CDKN2AIP: variants seen among roughly 807,000 people sequenced by gnomAD.
CDKN2AIP encodes the protein CDKN2A-interacting protein.
CDKN2AIP carries 12 observed loss-of-function variants against 44.1 expected under a neutral mutation model. That is an observed-to-expected ratio of 0.27 (90% CI 0.17 to 0.44). The LOEUF is 0.44. Ranked by LOEUF, CDKN2AIP falls within the 20% of genes least tolerant of loss-of-function variation. CDKN2AIP has a pLI of 1.00. For synonymous variants in CDKN2AIP, 291 were observed against 272.1 expected, an observed-to-expected ratio of 1.07 and a Z score of -0.68; for missense variants, 705 against 681.6, an observed-to-expected ratio of 1.03 and a Z score of -0.38.
rs1733625698 is a variant in CDKN2AIP at position 183,444,821 on chromosome 4, C to T, written c.24C>T (p.Tyr8=). MAQEVSE[Y]LSQNPRVAAW... ...ACATGGCGCAGGAGGTGTCGGAGTA[C>T]CTGAGCCAGAACCCGCGGGTGGCAG... Residue 8 remains tyrosine, a synonymous_variant, in exon 1 of 3, where the codon TAC becomes TAT. Coordinates refer to ENST00000504169, the MANE Select transcript of CDKN2AIP (RefSeq NM_017632.4). 2 of 1,553,298 alleles carry T rather than the reference C, an allele frequency of 1.3e-6. No homozygotes were observed. Among genetic ancestry groups the T allele is most frequent in the South Asian group, 2.4e-5 (2 of 84,810 alleles).
chr4:183,447,257 G>A lies in CDKN2AIP; in HGVS notation c.1573G>A (p.Ala525Thr). 6.2e-7 allele frequency: 1 copy of A among 1,611,502 alleles called. No homozygotes were observed. The highest frequency in any genetic ancestry group is 8.5e-7 in the Non-Finnish European group (1 of 1,179,348). ...GCGKSKENAKAVASREALKLF... is the reference protein window; with the variant it reads ...GCGKSKENAKTVASREALKLF... ...TGGAAAAAGCAAAGAAAATGCAAAA[G>A]CAGTTGCATCAAGAGAAGCATTGAA... The change falls in exon 3 of 3, where the codon GCA becomes ACA. Residue 525 changes from alanine (A) to threonine (T), a missense_variant. Coordinates refer to ENST00000504169, the MANE Select transcript of CDKN2AIP (RefSeq NM_017632.4).
Position 183,446,469 on chromosome 4 carries a change from C to G in CDKN2AIP, c.785C>G (p.Ser262Cys), listed in dbSNP as rs781055322. The G allele has an allele frequency of 3.1e-6, 5 of 1,613,686 alleles. No homozygotes were observed. Among genetic ancestry groups the G allele is most frequent in the Admixed American group, 1.7e-5 (1 of 60,024 alleles). ...AGTCACATGACCCAATCCACTGATT[C>G]TAGACAACAAAGTGGATCACCTAAA... ...VNSHMTQSTD[S>C]RQQSGSPKKS... is the part of the protein sequence containing the mutation. Residue 262 changes from serine (S) to cysteine (C), a missense_variant, in exon 3 of 3, where the codon TCT becomes TGT. This residue lies in a region of CDKN2AIP where 592 missense variants were observed against 518.0 expected (regional missense o/e 1.14). Transcript: ENST00000504169.
In CDKN2AIP at chr4:183,446,850, C is replaced by A. The variant is rs769981592; in HGVS notation, c.1166C>A (p.Ser389Tyr). ...TSGSLVSKST[S>Y]LASVSQLASK... ...GGATCTCTGGTTTCCAAAAGCACTT[C>A]CTTAGCAAGTGTGTCCCAGTTGGCT... Residue 389 changes from serine (S) to tyrosine (Y), a missense_variant, in exon 3 of 3, where the codon TCC becomes TAC. Ser to Tyr is a moderately radical substitution (Grantham distance 144, BLOSUM62 -2). Coordinates refer to ENST00000504169, the MANE Select transcript of CDKN2AIP (RefSeq NM_017632.4). The A allele has an allele frequency of 5.0e-6, 8 of 1,614,174 alleles. No homozygotes were observed. In the East Asian group the frequency reaches 1.8e-4, roughly 36 times the overall value.
chr4:183,447,337 C>A lies in CDKN2AIP; in HGVS notation c.1653C>A (p.Gly551=). The A allele has an allele frequency of 6.2e-7, 1 of 1,607,826 alleles. No homozygotes were observed. The highest frequency in any genetic ancestry group is 8.5e-7 in the Non-Finnish European group (1 of 1,176,844). The change falls in exon 3 of 3, where the codon GGC becomes GGA. Residue 551 remains glycine, a synonymous_variant. Transcript: ENST00000504169. ...VVKICKRKYR[G]SEIEDLVLLD... ...AAATATGTAAAAGGAAATACAGAGG[C>A]AGTGAAATAGAAGATCTAGTACTCC...
At chr4:183,445,752 C>T (rs1331957485) in intron 2 of CDKN2AIP, 87 bp downstream of exon 2, 4 of 1,119,060 alleles carry the variant, frequency 3.6e-6, no homozygotes, top group Non-Finnish European at 5.3e-6. Flanking sequence ...ATTTTTTTAA[C>T]AAGCCAGAAT....
chr4:183,445,563 C>T lies in CDKN2AIP; in HGVS notation c.301C>T (p.Leu101Phe), dbSNP rs1434866477. 5 of 1,610,510 alleles carry T rather than the reference C, an allele frequency of 3.1e-6. No homozygotes were observed. Among genetic ancestry groups the T allele is most frequent in the Admixed American group, 1.7e-5 (1 of 59,912 alleles). Residue 101 changes from leucine to phenylalanine, a missense_variant, in exon 2 of 3, where the codon CTT becomes TTT. Coordinates refer to ENST00000504169, the MANE Select transcript of CDKN2AIP (RefSeq NM_017632.4). ...RYPQKVMDKILSMAEGIKVTD... is the reference protein window; with the variant it reads ...RYPQKVMDKIFSMAEGIKVTD... ...CCCTCAAAAAGTTATGGATAAAATA[C>T]TTAGTATGGCTGAAGGCATCAAAGT...
rs1186302860 is a variant in CDKN2AIP, at chr4:183,446,747, AC to A, written c.1064del (p.Thr355AsnfsTer4). On this transcript the variant is annotated frameshift_variant, in exon 3 of 3. Transcript: ENST00000504169. LOFTEE classifies it high-confidence loss of function. ...TCCCAAGAGCAGCTCTTCAACAAATACATCGCTGCTAACTTCCAAGAGCACT... is the reference window on the plus strand; with the variant it reads ...TCCCAAGAGCAGCTCTTCAACAAATAATCGCTGCTAACTTCCAAGAGCACT... ...LTPKSSSSTN[T>X]SLLTSKSTSQ... 1 of 1,613,842 alleles carries A rather than the reference AC, an allele frequency of 6.2e-7. No individual in the cohort carries two copies. The highest frequency in any genetic ancestry group is 1.3e-5 in the African/African-American group (1 of 74,920).
Position 183,448,711 on chromosome 4 carries a change from A to T in CDKN2AIP, c.*1284A>T, listed in dbSNP as rs1408311092. 2.0e-5 allele frequency among the ~76,000 whole-genome samples: 3 copies of T among 152,172 alleles called. No individual in the cohort carries two copies. Among genetic ancestry groups the T allele is most frequent in the African/African-American group, 7.2e-5 (3 of 41,440 alleles). On this transcript the variant is annotated 3_prime_UTR_variant, in exon 3 of 3. Coordinates refer to ENST00000504169, the MANE Select transcript of CDKN2AIP (RefSeq NM_017632.4). ...GTGTTGGAATAGGAAAATCAAACGT[A>T]AGCACAATTTAAGTATGTAGCAGTT...
intron 2 of CDKN2AIP, 55 bp downstream of exon 2, chr4:183,445,720 T>C (rs760411117): frequency 1.4e-6 from 2 of 1,427,166 alleles, no homozygotes; most frequent in Admixed American, 3.9e-5. Context: ...AAGTTTGATA[T>C]AATTAGGAAT....
At position 183,446,232 on chromosome 4, in the gene CDKN2AIP, T is replaced by A. The variant is rs1337913558; in HGVS notation, c.548T>A (p.Ile183Asn). The A allele has an allele frequency of 6.2e-7, 1 of 1,614,156 alleles. No homozygotes were observed. Among genetic ancestry groups the A allele is most frequent in the African/African-American group, 1.3e-5 (1 of 75,044 alleles). Residue 183 changes from isoleucine to asparagine, a missense_variant, in exon 3 of 3, where the codon ATC (isoleucine) becomes AAC (asparagine). Physicochemically the swap from Ile to Asn is moderately radical, Grantham distance 149. Transcript: ENST00000504169. ...ENSSTCIGSAIKSESGNSARS... is the reference protein window; with the variant it reads ...ENSSTCIGSANKSESGNSARS... The stretch of plus-strand genomic sequence containing the variant: ...AGTTCAACGTGTATAGGGTCGGCCA[T>A]CAAATCAGAGAGTGGGAACTCAGCT...
At position 183,447,351 on chromosome 4, in the gene CDKN2AIP, A is replaced by T; in HGVS notation, c.1667A>T (p.Asp556Val). ...KRKYRGSEIE[D>V]LVLLDEESRP... ...AAATACAGAGGCAGTGAAATAGAAG[A>T]TCTAGTACTCCTTGATGAAGAATCG... Residue 556 changes from aspartate to valine, a missense_variant, in exon 3 of 3, where the codon GAT becomes GTT. This residue lies in a region of CDKN2AIP where 113 missense variants were observed against 163.6 expected (regional missense o/e 0.69). Transcript: ENST00000504169. 6.3e-7 allele frequency: 1 copy of T among 1,595,682 alleles called. No homozygotes were observed.
Position 183,444,802 on chromosome 4 carries a change from C to T in CDKN2AIP, c.5C>T (p.Ala2Val). The stretch of plus-strand genomic sequence containing the variant: ...TTCGCGGCCTGCAGGCCCAACATGG[C>T]GCAGGAGGTGTCGGAGTACCTGAGC... M[A>V]QEVSEYLSQN... The change falls in exon 1 of 3, where the codon GCG becomes GTG. Residue 2 changes from alanine (A) to valine (V), a missense_variant. Transcript: ENST00000504169. 1 of 1,538,080 alleles carries T rather than the reference C, an allele frequency of 6.5e-7. No homozygotes were observed. Among genetic ancestry groups the T allele is most frequent in the South Asian group, 1.2e-5 (1 of 83,180 alleles).
rs1190454052 is a variant in CDKN2AIP at position 183,445,018 on chromosome 4, A to G, written c.221A>G (p.Gln74Arg). Residue 74 changes from glutamine (Q) to arginine (R), a missense_variant, in exon 1 of 3, where the codon CAG (glutamine) becomes CGG (arginine). Around this residue, in one of 2 missense-constraint regions of CDKN2AIP, gnomAD observed 592 missense variants for 518.0 expected, o/e 1.14. Transcript: ENST00000504169. ...GGGACCCGAAACCGGCAGCTGCAGC[A>G]GCTCATCTCCTTTTCCATGGCCTGG... The part of the protein sequence containing the change: ...ESGTRNRQLQ[Q>R]LISFSMAWAN... 6.2e-7 allele frequency: 1 copy of G among 1,602,108 alleles called. No individual in the cohort carries two copies. Among genetic ancestry groups the G allele is most frequent in the Admixed American group, 1.7e-5 (1 of 58,914 alleles).
chr4:183,445,418 G>A (rs1186547654), intron 1 of CDKN2AIP, 117 bp from the exon 2 acceptor site: 1 of 803,182 alleles, frequency 1.2e-6, no homozygotes, highest in Non-Finnish European at 2.0e-6. Context: ...ACAGTTCTTG[G>A]CGGTTGGTTC....
In CDKN2AIP at chr4:183,448,263, A is replaced by C. The variant is rs900666385; in HGVS notation, c.*836A>C. 4 of 152,134 alleles carry C rather than the reference A, an allele frequency of 2.6e-5. No individual in the cohort carries two copies. The highest frequency in any genetic ancestry group is 4.4e-5 in the Non-Finnish European group (3 of 68,004). The allele number at this position is 152,134 out of a possible 1,614,324, so 9.4% of individuals were successfully genotyped here. A position where few individuals can be genotyped will look rare whatever the true frequency, so the allele number is the denominator to read the frequency against. ...AATAGGCTTCCCATGACTTGTCATT[A>C]TAAATTAGACAACCAGGTAATTGTG... On this transcript the variant is annotated 3_prime_UTR_variant, in exon 3 of 3. Coordinates refer to ENST00000504169, the MANE Select transcript of CDKN2AIP (RefSeq NM_017632.4).
rs1278327136 is a variant in CDKN2AIP, at chr4:183,446,577, G to A, written c.893G>A (p.Ser298Asn). 2 of 1,614,122 alleles carry A rather than the reference G, an allele frequency of 1.2e-6. No individual in the cohort carries two copies. Among genetic ancestry groups the A allele is most frequent in the South Asian group, 2.2e-5 (2 of 91,086 alleles). ...GTGCCCTTGTTGGGCTCCTCAGGAAGCTCAGAGGTAGAATTGCCACTATTG... is the reference window on the plus strand; with the variant it reads ...GTGCCCTTGTTGGGCTCCTCAGGAAACTCAGAGGTAGAATTGCCACTATTG... ...IEVPLLGSSG[S>N]SEVELPLLSS... Residue 298 changes from serine to asparagine, a missense_variant, in exon 3 of 3, where the codon AGC becomes AAC. Around this residue, in one of 2 missense-constraint regions of CDKN2AIP, gnomAD observed 592 missense variants for 518.0 expected, o/e 1.14. Coordinates refer to ENST00000504169, the MANE Select transcript of CDKN2AIP (RefSeq NM_017632.4).
rs569708456 is a variant in CDKN2AIP at position 183,448,929 on chromosome 4, A to G, written c.*1502A>G. ...GTTGCCTTTATAGATTGCGGGACAC[A>G]ATAACATGAATGTATTGTGAAAGCA... On this transcript the variant is annotated 3_prime_UTR_variant, in exon 3 of 3. Transcript: ENST00000504169. 6.6e-6 allele frequency among the ~76,000 whole-genome samples: 1 copy of G among 152,310 alleles called. No individual in the cohort carries two copies. The highest frequency in any genetic ancestry group is 2.1e-4 in the South Asian group (1 of 4,826).
rs139553041 is a variant in CDKN2AIP at position 183,448,849 on chromosome 4, A to AT, written c.*1427dup. On this transcript the variant is annotated 3_prime_UTR_variant, in exon 3 of 3. Transcript: ENST00000504169. ...ACCATATAACCTTTAAAAATGATTCATTTTTGAGGATATTTAATTGGATAC... is the reference window on the plus strand; with the variant it reads ...ACCATATAACCTTTAAAAATGATTCATTTTTTGAGGATATTTAATTGGATAC... Among the ~76,000 whole-genome samples the AT allele has an allele frequency of 0.019, 2,899 of 152,272 alleles. 45 individuals carry two copies. The highest frequency in any genetic ancestry group is 0.031 in the Admixed American group (476 of 15,296).
rs373370372 is a variant in CDKN2AIP at position 183,446,778 on chromosome 4, A to G, written c.1094A>G (p.Gln365Arg). The change falls in exon 3 of 3, where the codon CAG becomes CGG. Residue 365 changes from glutamine to arginine, a missense_variant. Gln to Arg is a conservative substitution (Grantham distance 43, BLOSUM62 1). Coordinates refer to ENST00000504169, the MANE Select transcript of CDKN2AIP (RefSeq NM_017632.4). ...TSLLTSKSTS[Q>R]VAASLLASKS... ...CTGCTAACTTCCAAGAGCACTTCCC[A>G]GGTAGCTGCATCACTACTAGCTTCC... 6.2e-7 allele frequency: 1 copy of G among 1,614,030 alleles called. No homozygotes were observed. The highest frequency in any genetic ancestry group is 1.3e-5 in the African/African-American group (1 of 74,932).
Sources: allele counts gnomAD v4.1 joint callset (sites outside exome capture counted in the v4.1 genomes callset), GRCh38; gene constraint gnomAD v4.1.1; regional missense constraint gnomAD v4.1.1; transcripts MANE v1.5; gene names NCBI Gene and HGNC (gene_info 2026-07-23, HGNC 2026-07-21).